Variants in KLHL3 observed in about 807,000 individuals in gnomAD.
KLHL3 encodes the protein kelch-like protein 3.
Under a neutral mutation model 70.5 loss-of-function variants are expected in KLHL3, and 19 were observed. The ratio of observed to expected loss-of-function variants is 0.27; its 90% CI spans 0.19 to 0.40. The LOEUF is 0.40. KLHL3 is among the 10% of genes least tolerant of loss of function. The pLI is 1.00. For synonymous variants in KLHL3, 258 were observed against 290.3 expected (o/e 0.89, Z 1.13); for missense variants, 512 against 771.1 (o/e 0.66, Z 3.98).
chr5:137,706,731 G>A (rs1333988466), intron 3 of KLHL3, among the ~76,000 whole-genome samples: 1 of 152,154 alleles, frequency 6.6e-6, no homozygotes, highest in Non-Finnish European at 1.5e-5. Context: ...AAATTAGGTT[G>A]TAACTGCAAT....
intron 6 of KLHL3, among the ~76,000 whole-genome samples, chr5:137,669,451 C>A (rs984600689): frequency 1.9e-4 from 29 of 152,196 alleles, no homozygotes; most frequent in African/African-American, 7.0e-4. Context: ...CAGCACACTG[C>A]CAGATATCTG....
intron 5 of KLHL3, among the ~76,000 whole-genome samples, chr5:137,683,691 A>G (rs1234604052): frequency 1.3e-5 from 2 of 151,872 alleles, no homozygotes; most frequent in African/African-American, 4.8e-5. Context: ...CTCTCTTTCC[A>G]TGTTGCCTTA....
Position 137,640,739 on chromosome 5 carries a change from C to CA in KLHL3, c.904-763_904-762insT, listed in dbSNP as rs961641082. ...ACAGAGGGTGAGGCCAGCCACCCCC[C>CA]CCAACTCCTGCTCTAGAGACAGGAT... On this transcript the variant is annotated intron_variant, in intron 8 of 14. Transcript: ENST00000309755. 7.9e-5 allele frequency among the ~76,000 whole-genome samples: 12 copies of CA among 152,082 alleles called. No homozygotes were observed. In the East Asian group the frequency reaches 9.8e-4, roughly 12 times the overall value.
chr5:137,677,355 G>C (rs1038682030), intron 6 of KLHL3, 190 bp downstream of exon 6: 5 of 444,908 alleles, frequency 1.1e-5, no homozygotes, highest in Non-Finnish European at 1.6e-5. Flanking sequence ...GGCTGAGGCA[G>C]GGGAATCACT....
chr5:137,676,809 T>C (rs1751894358), intron 6 of KLHL3, among the ~76,000 whole-genome samples: 1 of 152,190 alleles, frequency 6.6e-6, no homozygotes, highest in Non-Finnish European at 1.5e-5. Context: ...CTGAAGCTTA[T>C]GCTATTTTCA....
At chr5:137,719,259 T>C (rs1248304946) in intron 2 of KLHL3, among the ~76,000 whole-genome samples, 1 of 152,276 alleles carries the variant, frequency 6.6e-6, no homozygotes, top group African/African-American at 2.4e-5. Flanking sequence ...GATCTATTTA[T>C]ATTTTTTACT....
intron 4 of KLHL3, 62 bp downstream of exon 4, chr5:137,698,225 C>A (rs893325554): frequency 6.3e-7 from 1 of 1,584,012 alleles, no homozygotes; most frequent in Non-Finnish European, 8.6e-7. Context: ...AATAAAATAA[C>A]GCTGTAAAAT....
At chr5:137,703,755 C>A (rs1161211563) in intron 3 of KLHL3, among the ~76,000 whole-genome samples, 1 of 152,064 alleles carries the variant, frequency 6.6e-6, no homozygotes, top group African/African-American at 2.4e-5. Context: ...ACCGCCTCAT[C>A]ACCCGCCCTC....
chr5:137,640,356 C>T lies in KLHL3; in HGVS notation c.904-379G>A, dbSNP rs140448241. On this transcript the variant is annotated intron_variant, in intron 8 of 14. Coordinates refer to ENST00000309755, the MANE Select transcript of KLHL3 (RefSeq NM_017415.3). Reference sequence around the variant, plus strand: ...TTTGAAAAAGAGTTCAGAATTTGGACGTATGTTTTAAAGTATTACTCAAAA... The same window carrying T: ...TTTGAAAAAGAGTTCAGAATTTGGATGTATGTTTTAAAGTATTACTCAAAA... 2.8e-4 allele frequency among the ~76,000 whole-genome samples: 43 copies of T among 152,174 alleles called. No individual in the cohort carries two copies. In the East Asian group the frequency reaches 7.3e-3, roughly 26 times the overall value.
intron 6 of KLHL3, among the ~76,000 whole-genome samples, chr5:137,677,163 T>C (rs1422974601): frequency 3.9e-5 from 6 of 151,916 alleles, no homozygotes; most frequent in Non-Finnish European, 5.9e-5. Flanking sequence ...AAAGAAAAGA[T>C]TGGCCAAGCA....
At chr5:137,673,298 C>G (rs1751807418) in intron 6 of KLHL3, among the ~76,000 whole-genome samples, 1 of 152,168 alleles carries the variant, frequency 6.6e-6, no homozygotes, top group African/African-American at 2.4e-5. Flanking sequence ...AGCCTGCCAC[C>G]ACTGGACAGC....
chr5:137,663,614 G>A (rs1047276435), intron 6 of KLHL3, among the ~76,000 whole-genome samples: 2 of 152,022 alleles, frequency 1.3e-5, no homozygotes, highest in African/African-American at 2.4e-5. Flanking sequence ...AAGTGGATAT[G>A]ATGTAGTACT....
intron 1 of KLHL3, among the ~76,000 whole-genome samples, chr5:137,734,070 T>C (rs575974956): frequency 1.3e-5 from 2 of 152,362 alleles, no homozygotes; most frequent in South Asian, 4.1e-4. Flanking sequence ...GGACTCACTA[T>C]ATTTCTGAAC....
At chr5:137,704,248 G>A (rs1333609852) in intron 3 of KLHL3, among the ~76,000 whole-genome samples, 2 of 152,032 alleles carry the variant, frequency 1.3e-5, no homozygotes, top group Non-Finnish European at 2.9e-5. Flanking sequence ...AGCCGGGCGC[G>A]GTGGCGGGCG....
In KLHL3 at chr5:137,733,923, A is replaced by AG. The variant is rs1290272313; in HGVS notation, c.14+1709_14+1710insC. ...GTATGACCTGGGTGACCTGGTGAAC[A>AG]TTGGAAGCTGCTCGGTTTGGATTTC... On this transcript the variant is annotated intron_variant, in intron 1 of 14. Coordinates refer to ENST00000309755, the MANE Select transcript of KLHL3 (RefSeq NM_017415.3). Among the ~76,000 whole-genome samples, 8 of 152,334 alleles carry AG rather than the reference A, an allele frequency of 5.3e-5. No individual in the cohort carries two copies. In the East Asian group the frequency reaches 1.5e-3, roughly 29 times the overall value.
intron 4 of KLHL3, among the ~76,000 whole-genome samples, chr5:137,694,944 C>A (rs1752410252): frequency 6.6e-6 from 1 of 152,146 alleles, no homozygotes; most frequent in Non-Finnish European, 1.5e-5. Flanking sequence ...TCAACAGCAA[C>A]CCTCTCCCCA....
chr5:137,674,241 A>C lies in KLHL3; in HGVS notation c.636+3304T>G, dbSNP rs918301125. Reference sequence around the variant, plus strand: ...AGGTTCTTTTATTCGTCCTTTCAACAGCTATTTTTTTAGTGTCTACCATGA... The same window carrying C: ...AGGTTCTTTTATTCGTCCTTTCAACCGCTATTTTTTTAGTGTCTACCATGA... On this transcript the variant is annotated intron_variant, in intron 6 of 14. Transcript: ENST00000309755. 3.3e-5 allele frequency among the ~76,000 whole-genome samples: 5 copies of C among 152,142 alleles called. No individual in the cohort carries two copies. In the South Asian group the frequency reaches 1.0e-3, roughly 32 times the overall value.
chr5:137,637,385 C>A lies in KLHL3; in HGVS notation c.1230G>T (p.Ser410=). The part of the protein sequence containing the change: ...GGFDGSTGLA[S]VEAYSYKTNE... Reference sequence around the variant, plus strand: ...TGGTCTTGTAGCTGTAGGCTTCCACCGATGCTAGGCCTGGGAGACAAGAGA... The same window carrying A: ...TGGTCTTGTAGCTGTAGGCTTCCACAGATGCTAGGCCTGGGAGACAAGAGA... Residue 410 remains serine (S), a synonymous_variant, in exon 11 of 15, where the codon TCG becomes TCT. Transcript: ENST00000309755. The A allele has an allele frequency of 6.2e-7, 1 of 1,613,730 alleles. No homozygotes were observed. The highest frequency in any genetic ancestry group is 8.5e-7 in the Non-Finnish European group (1 of 1,179,648).
At chr5:137,731,124 T>C (rs1231963866) in intron 1 of KLHL3, among the ~76,000 whole-genome samples, 2 of 152,188 alleles carry the variant, frequency 1.3e-5, no homozygotes, top group East Asian at 3.9e-4. Flanking sequence ...TCCAGATCTG[T>C]TTTACCAGTT....
Sources: allele counts gnomAD v4.1 joint callset (sites outside exome capture counted in the v4.1 genomes callset), GRCh38; gene constraint gnomAD v4.1.1; transcripts MANE v1.5; gene names NCBI Gene and HGNC (gene_info 2026-07-23, HGNC 2026-07-21).